The following CEP128 variants were observed in gnomAD, a reference collection of about 807,000 sequenced individuals.
CEP128 encodes the protein centrosomal protein 128, also known as centrosomal protein 128kDa.
In CEP128, 132 loss-of-function variants were observed where a neutral mutation model predicts 156.7. That is an observed-to-expected ratio of 0.84 (90% CI 0.73 to 0.97). The LOEUF (loss-of-function observed/expected upper bound fraction) is 0.97, where lower values mean the gene tolerates loss of function less well. Ranked by LOEUF, CEP128 falls within the 50% of genes least tolerant of loss-of-function variation. The pLI, the probability that CEP128 is intolerant of heterozygous loss-of-function variation, is 0.00. For synonymous variants in CEP128, 469 were observed against 448.9 expected (o/e 1.04, Z -0.57); for missense variants, 1,252 against 1,281.9 (o/e 0.98, Z 0.36).
chr14:80,785,082 CT>C lies in CEP128; in HGVS notation c.2023del (p.Arg675GlyfsTer12), dbSNP rs749581517. The C allele has an allele frequency of 5.1e-5, 82 of 1,614,064 alleles. No homozygotes were observed. Among genetic ancestry groups the C allele is most frequent in the Non-Finnish European group, 6.7e-5 (79 of 1,180,012 alleles). On this transcript the variant is annotated frameshift_variant, in exon 15 of 25. Coordinates refer to ENST00000555265, the MANE Select transcript of CEP128 (RefSeq NM_152446.5). LOFTEE classifies it high-confidence loss of function. ...LSDLTAQAKS[R>X]DEETATIITQ... is the part of the protein sequence containing the mutation. ...GATGATTGTAGCTGTTTCTTCATCC[CT>C]GGATTTTGCCTGTGCAGTGAGGTCA...
At chr14:80,910,275 A>G (rs1884130891) in intron 4 of CEP128, among the ~76,000 whole-genome samples, 1 of 152,246 alleles carries the variant, frequency 6.6e-6, no homozygotes, top group Non-Finnish European at 1.5e-5. Context: ...GGGCACTGGA[A>G]TTGAATGGCT....
chr14:80,610,088 T>A (rs1249321667), intron 19 of CEP128, among the ~76,000 whole-genome samples: 2 of 152,158 alleles, frequency 1.3e-5, no homozygotes, highest in Non-Finnish European at 1.5e-5. Flanking sequence ...TACCCATTTT[T>A]AAAAATAATA....
intron 7 of CEP128, among the ~76,000 whole-genome samples, chr14:80,896,246 T>A (rs1472479706): frequency 1.3e-5 from 2 of 152,186 alleles, no homozygotes; most frequent in Non-Finnish European, 2.9e-5. Context: ...ACAAACTCTA[T>A]CCTCACTAAC....
At chr14:80,856,678 C>CGT (rs140017425) in intron 9 of CEP128, among the ~76,000 whole-genome samples, 14 of 133,300 alleles carry the variant, frequency 1.1e-4, no homozygotes, top group Non-Finnish European at 1.6e-4. Context: ...TGTGTGTGTG[C>CGT]GTGTGTGTGT....
intron 19 of CEP128, among the ~76,000 whole-genome samples, chr14:80,737,416 A>G (rs998062231): frequency 6.6e-6 from 1 of 150,918 alleles, no homozygotes; most frequent in African/African-American, 2.5e-5. Flanking sequence ...AAAAGAAAAA[A>G]GAAAAAAAAT....
In CEP128 at chr14:80,839,746, T is replaced by A. The variant is rs528417816; in HGVS notation, c.849+936A>T. On this transcript the variant is annotated intron_variant, in intron 10 of 24. Coordinates refer to ENST00000555265, the MANE Select transcript of CEP128 (RefSeq NM_152446.5). ...CTTTAAATCCCAATATATAATTTTT[T>A]AAAAATTATACATGTGGCTCATAAA... Among the ~76,000 whole-genome samples, 55 of 152,228 alleles carry A rather than the reference T, an allele frequency of 3.6e-4. 1 individual carries two copies. Among genetic ancestry groups the A allele is most frequent in the African/African-American group, 1.3e-3 (53 of 41,552 alleles).
chr14:80,550,544 C>T (rs954935781), intron 21 of CEP128, among the ~76,000 whole-genome samples: 5 of 151,888 alleles, frequency 3.3e-5, no homozygotes, highest in African/African-American at 4.8e-5. Flanking sequence ...ATATGACCCT[C>T]GTTAAAAGAC....
At chr14:80,843,588 T>C (rs1886450557) in intron 9 of CEP128, among the ~76,000 whole-genome samples, 1 of 152,080 alleles carries the variant, frequency 6.6e-6, no homozygotes, top group Non-Finnish European at 1.5e-5. Flanking sequence ...GTTCTTACTA[T>C]ATTTTGTAAT....
intron 19 of CEP128, among the ~76,000 whole-genome samples, chr14:80,732,012 G>C (rs1391161868): frequency 1.3e-5 from 2 of 151,246 alleles, no homozygotes; most frequent in African/African-American, 2.4e-5. Context: ...ATAATAAATG[G>C]AAAAAAAAGA....
chr14:80,832,901 C>T (rs1247397077), intron 12 of CEP128, among the ~76,000 whole-genome samples: 2 of 152,142 alleles, frequency 1.3e-5, no homozygotes, highest in African/African-American at 4.8e-5. Flanking sequence ...CAAACATTTT[C>T]TATAAAGGAT....
intron 7 of CEP128, among the ~76,000 whole-genome samples, chr14:80,898,481 A>T (rs538512588): frequency 6.6e-6 from 1 of 152,308 alleles, no homozygotes; most frequent in Non-Finnish European, 1.5e-5. Flanking sequence ...AAGCCTAGAG[A>T]TCACAAAAAC....
intron 3 of CEP128, 117 bp from the exon 4 acceptor site, chr14:80,914,525 G>A: frequency 1.4e-6 from 1 of 716,668 alleles, no homozygotes; most frequent in Non-Finnish European, 2.4e-6. Flanking sequence ...CTTTTATCAT[G>A]GCTGAGTTGA....
chr14:80,568,970 C>A (rs1293827914), intron 20 of CEP128, among the ~76,000 whole-genome samples: 1 of 152,206 alleles, frequency 6.6e-6, no homozygotes, highest in African/African-American at 2.4e-5. Context: ...TTTCTTCAAA[C>A]TGAGCTTCAC....
chr14:80,624,500 C>T (rs544233498), intron 19 of CEP128, among the ~76,000 whole-genome samples: 3 of 152,158 alleles, frequency 2.0e-5, no homozygotes, highest in South Asian at 2.1e-4. Flanking sequence ...GTGGAACTTC[C>T]GTACTGTTTT....
intron 21 of CEP128, among the ~76,000 whole-genome samples, chr14:80,552,739 C>G (rs1441220510): frequency 6.6e-6 from 1 of 151,950 alleles, no homozygotes; most frequent in East Asian, 1.9e-4. Context: ...TTCTTTTGTC[C>G]CTTTTAAAAG....
chr14:80,549,539 A>G (rs1225317829), intron 21 of CEP128, among the ~76,000 whole-genome samples: 1 of 152,204 alleles, frequency 6.6e-6, no homozygotes, highest in Non-Finnish European at 1.5e-5. Context: ...TTAAAACAGC[A>G]AGTTCTGGCT....
chr14:80,761,975 G>T (rs1284202880), intron 16 of CEP128, among the ~76,000 whole-genome samples: 2 of 152,076 alleles, frequency 1.3e-5, no homozygotes, highest in Non-Finnish European at 2.9e-5. Flanking sequence ...AGCTTTCACT[G>T]AACATTAGTA....
intron 2 of CEP128, among the ~76,000 whole-genome samples, chr14:80,931,647 G>C (rs527747950): frequency 6.6e-6 from 1 of 152,276 alleles, no homozygotes; most frequent in Admixed American, 6.5e-5. Context: ...GTTTACTTGT[G>C]TGACTGACAT....
At chr14:80,709,343 G>A (rs1005132779) in intron 19 of CEP128, among the ~76,000 whole-genome samples, 4 of 151,930 alleles carry the variant, frequency 2.6e-5, no homozygotes, top group South Asian at 2.1e-4. Flanking sequence ...TCACTATGTT[G>A]GCCAGGCTGG....
Sources: gnomAD v4.1 joint callset for allele counts (sites outside exome capture counted in the v4.1 genomes callset) on GRCh38, gnomAD v4.1.1 for gene constraint, MANE v1.5 for transcripts, NCBI Gene and HGNC (gene_info 2026-07-23, HGNC 2026-07-21) for gene names.